The following RNF38 variants were observed in gnomAD, a reference collection of about 807,000 sequenced individuals.
RNF38 encodes ring finger protein 38, also known as E3 ubiquitin-protein ligase RNF38.
RNF38 carries 15 observed loss-of-function variants against 67.2 expected under a neutral mutation model. That is an observed-to-expected ratio of 0.22 (90% CI 0.15 to 0.34). The LOEUF (loss-of-function observed/expected upper bound fraction) is 0.34. Ranked by LOEUF, RNF38 falls within the 10% of genes least tolerant of loss-of-function variation. The pLI is 1.00. For synonymous variants in RNF38, 220 were observed against 218.8 expected (o/e 1.01, Z -0.05); for missense variants, 524 against 639.9 (o/e 0.82, Z 1.95).
At chr9:36,444,147 T>C (rs1043313098) in intron 1 of RNF38, among the ~76,000 whole-genome samples, 1 of 152,156 alleles carries the variant, frequency 6.6e-6, no homozygotes, top group African/African-American at 2.4e-5. Context: ...CAAACAAGAT[T>C]TGACAGTCAG....
At chr9:36,447,629 T>C (rs573565676) in intron 1 of RNF38, among the ~76,000 whole-genome samples, 32 of 152,250 alleles carry the variant, frequency 2.1e-4, no homozygotes, top group Middle Eastern at 3.4e-3. Context: ...AGAAGCCTAA[T>C]GAAAATATGC....
chr9:36,480,630 C>T (rs888207360), intron 1 of RNF38, among the ~76,000 whole-genome samples: 5 of 145,008 alleles, frequency 3.4e-5, no homozygotes, highest in Admixed American at 7.3e-5. Context: ...CAACTCACTG[C>T]AATCTCCGCC....
At chr9:36,398,427 T>A (rs2243798) in intron 1 of RNF38, among the ~76,000 whole-genome samples, 4,187 of 152,066 alleles carry the variant, frequency 0.028, 123 homozygotes, top group African/African-American at 0.074. Flanking sequence ...TAAAAAAAAA[T>A]TTTTTTAATG....
chr9:36,465,145 T>C (rs916115708), intron 1 of RNF38, among the ~76,000 whole-genome samples: 2 of 152,134 alleles, frequency 1.3e-5, no homozygotes, highest in African/African-American at 4.8e-5. Context: ...ATTAGAACCC[T>C]CGTACACTGC....
At chr9:36,454,299 T>C (rs374696473) in intron 1 of RNF38, among the ~76,000 whole-genome samples, 2 of 152,176 alleles carry the variant, frequency 1.3e-5, no homozygotes, top group African/African-American at 4.8e-5. Context: ...AATTTTGTTT[T>C]GTATTTTTAG....
intron 9 of RNF38, among the ~76,000 whole-genome samples, chr9:36,349,456 AT>A (rs779203660): frequency 4.6e-5 from 7 of 151,912 alleles, no homozygotes; most frequent in African/African-American, 1.2e-4. Flanking sequence ...TCCTCCACCC[AT>A]TTTTTTTAAA....
intron 1 of RNF38, 110 bp from the exon 2 acceptor site, chr9:36,390,726 C>T (rs1036364273): frequency 1.6e-5 from 18 of 1,093,720 alleles, no homozygotes; most frequent in Middle Eastern, 2.1e-4. Flanking sequence ...ATTCTGCTAG[C>T]GAAGACAGGA....
chr9:36,388,969 A>G (rs921468063), intron 2 of RNF38, among the ~76,000 whole-genome samples: 2 of 152,086 alleles, frequency 1.3e-5, no homozygotes, highest in African/African-American at 2.4e-5. Flanking sequence ...TTTTTAAAAG[A>G]TATCAACTAG....
intron 4 of RNF38, among the ~76,000 whole-genome samples, chr9:36,364,569 A>C (rs1449072109): frequency 6.6e-6 from 1 of 152,226 alleles, no homozygotes; most frequent in South Asian, 2.1e-4. Flanking sequence ...TATTCACAGA[A>C]AATGTGTTGG....
At chr9:36,465,350 C>CT (rs552969476) in intron 1 of RNF38, among the ~76,000 whole-genome samples, 2 of 151,830 alleles carry the variant, frequency 1.3e-5, no homozygotes, top group African/African-American at 4.8e-5. Context: ...TTCTTTTTTT[C>CT]TTTTTTTTCT....
At chr9:36,344,761 T>C (rs1833096906) in intron 10 of RNF38, 71 bp downstream of exon 10, 1 of 1,461,842 alleles carries the variant, frequency 6.8e-7, no homozygotes, top group Non-Finnish European at 9.4e-7. Flanking sequence ...TTTACCTTAA[T>C]GACTCTTAAG....
At chr9:36,420,531 C>CAAAAAAAAAAAA (rs1447823341) in intron 2 of RNF38, among the ~76,000 whole-genome samples, 5 of 28,974 alleles carry the variant, frequency 1.7e-4, no homozygotes, top group Non-Finnish European at 4.4e-4. Flanking sequence ...GACTCTGTCT[C>CAAAAAAAAAAAA]CAAAAAAAAA....
intron 1 of RNF38, among the ~76,000 whole-genome samples, chr9:36,463,046 T>C (rs1839771456): frequency 6.6e-6 from 1 of 152,060 alleles, no homozygotes; most frequent in African/African-American, 2.4e-5. Flanking sequence ...GGCTACTCCA[T>C]AGGCAGAGCA....
chr9:36,437,508 C>T lies in RNF38; in HGVS notation n.242-12825G>A, dbSNP rs1037376916. 3.4e-5 allele frequency among the ~76,000 whole-genome samples: 5 copies of T among 148,736 alleles called. No individual in the cohort carries two copies. The East Asian group carries it at 7.9e-4, about 24-fold the overall frequency. On this transcript the variant is annotated intron_variant and non_coding_transcript_variant, in intron 1 of 3. Coordinates refer to the RNF38 transcript ENST00000488058. ...TTTCTAAGGACAACATTCTAAAAAC[C>T]GAAGAAGAAAAGTCAGATCAGACAA...
At chr9:36,390,683 G>T (rs1394993086) in intron 1 of RNF38, 67 bp from the exon 2 acceptor site, 1 of 1,484,600 alleles carries the variant, frequency 6.7e-7, no homozygotes, top group Non-Finnish European at 9.2e-7. Context: ...TCACGCCTAT[G>T]AAGGATAGTC....
At chr9:36,485,851 T>C (rs753537161) in intron 1 of RNF38, among the ~76,000 whole-genome samples, 6 of 152,150 alleles carry the variant, frequency 3.9e-5, no homozygotes, top group Non-Finnish European at 7.3e-5. Flanking sequence ...CTCCAGGCCC[T>C]GTGGGTCTGC....
rs564997272 is a variant in RNF38 at position 36,352,854 on chromosome 9, AG to A, written c.1072-7del. The A allele has an allele frequency of 1.1e-4, 183 of 1,593,374 alleles. No individual in the cohort carries two copies. The African/African-American group carries it at 1.9e-3, about 16-fold the overall frequency. On this transcript the variant is annotated splice_region_variant and splice_polypyrimidine_tract_variant and intron_variant, in intron 7 of 11. Transcript: ENST00000259605. ...GGCATAAATGGAGGATAAGGCTGCAAGGGGAAAAATGTTAAGATTTAGAATC... is the reference window on the plus strand; with the variant it reads ...GGCATAAATGGAGGATAAGGCTGCAAGGGAAAAATGTTAAGATTTAGAATC...
At chr9:36,376,859 GA>G (rs1193619009) in intron 2 of RNF38, among the ~76,000 whole-genome samples, 1 of 150,980 alleles carries the variant, frequency 6.6e-6, no homozygotes, top group African/African-American at 2.4e-5. Flanking sequence ...CCAAGAGGCG[GA>G]GGTTGTTGTG....
chr9:36,476,347 G>A (rs1840120276), intron 1 of RNF38, among the ~76,000 whole-genome samples: 1 of 151,874 alleles, frequency 6.6e-6, no homozygotes, highest in Admixed American at 6.6e-5. Flanking sequence ...ACTGACCTCA[G>A]GTGATCCGCC....
Sources: gnomAD v4.1 joint callset for allele counts (sites outside exome capture counted in the v4.1 genomes callset) on GRCh38, gnomAD v4.1.1 for gene constraint, MANE v1.5 for transcripts, NCBI Gene and HGNC (gene_info 2026-07-23, HGNC 2026-07-21) for gene names.